Variants in TTC23L observed in about 807,000 individuals in gnomAD.
The protein encoded by TTC23L is tetratricopeptide repeat domain 23 like.
In TTC23L, 42 loss-of-function variants were observed where a neutral mutation model predicts 48.1. That is an observed-to-expected ratio of 0.87 (90% CI 0.68 to 1.13). The LOEUF (loss-of-function observed/expected upper bound fraction) is 1.13, where lower values mean the gene tolerates loss of function less well. Among genes scored for constraint, TTC23L ranks in the 50% most tolerant of loss-of-function variants. The pLI, the probability that TTC23L is intolerant of heterozygous loss-of-function variation, is 0.00. For synonymous variants in TTC23L, 159 were observed against 157.2 expected (o/e 1.01, Z -0.09); for missense variants, 391 against 421.0 (o/e 0.93, Z 0.62).
At chr5:34,847,223 A>G (rs558838176) in intron 3 of TTC23L, among the ~76,000 whole-genome samples, 266 of 152,312 alleles carry the variant, frequency 1.7e-3, no homozygotes, top group African/African-American at 6.0e-3. Context: ...GGACCTTGCA[A>G]AGGACAGTCA....
the TTC23L span, chr5:34,922,094 C>T: frequency 1.9e-6 from 1 of 520,728 alleles, no homozygotes; most frequent in South Asian, 3.3e-5. Flanking sequence ...ATGTTTAGGC[C>T]TTTGTAGCCT....
At chr5:34,912,418 A>C in the TTC23L span, among the ~76,000 whole-genome samples, 2 of 152,240 alleles carry the variant, frequency 1.3e-5, no homozygotes, top group African/African-American at 4.8e-5. Flanking sequence ...TCCTTACTGG[A>C]TTGAGAGCCA....
At chr5:34,869,265 TCAC>T in intron 8 of TTC23L, 1 of 406,008 alleles carries the variant, frequency 2.5e-6, no homozygotes. Context: ...TCAGTGAGAT[TCAC>T]CTTCTTAACT....
chr5:34,866,645 C>CT (rs34319208), intron 6 of TTC23L, among the ~76,000 whole-genome samples: 46,935 of 151,952 alleles, frequency 0.31, 9,135 homozygotes, highest in Non-Finnish European at 0.43. Context: ...TTTCCATTTG[C>CT]TTTTTAAAAA....
chr5:34,905,950 T>C, the TTC23L span: 1 of 150,574 alleles, frequency 6.6e-6, no homozygotes. Flanking sequence ...ACAATAATTT[T>C]TATTTTAATT....
intron 8 of TTC23L, among the ~76,000 whole-genome samples, chr5:34,878,986 A>T (rs1447605137): frequency 6.6e-6 from 1 of 152,234 alleles, no homozygotes; most frequent in Non-Finnish European, 1.5e-5. Flanking sequence ...AATGTGGTAC[A>T]TATACACAAT....
At position 34,855,919 on chromosome 5, in the gene TTC23L, G is replaced by A. The variant is rs1760093403; in HGVS notation, c.379+5611G>A. On this transcript the variant is annotated intron_variant, in intron 4 of 10. Coordinates refer to ENST00000505624, the Ensembl canonical transcript of TTC23L. ...ACAAAGGGAACAAGATTGGAAGTGA[G>A]ACCTCTCAGTGTTTACTTTTTCTTA... is the stretch of plus-strand genomic sequence containing the variant. Among the ~76,000 whole-genome samples, 3 of 152,182 alleles carry A rather than the reference G, an allele frequency of 2.0e-5. No individual in the cohort carries two copies. In the South Asian group the frequency reaches 6.2e-4, roughly 31 times the overall value.
At chr5:34,914,240 G>GC in the TTC23L span, among the ~76,000 whole-genome samples, 1 of 152,310 alleles carries the variant, frequency 6.6e-6, no homozygotes, top group South Asian at 2.1e-4. Flanking sequence ...CATATATTCT[G>GC]GAAACAAATA....
chr5:34,845,748 T>TCTGCATCGAAG, intron 3 of TTC23L, 75 bp downstream of exon 3: 1 of 1,398,890 alleles, frequency 7.1e-7, no homozygotes, highest in Non-Finnish European at 9.6e-7. Flanking sequence ...TTGCCTTCGA[T>TCTGCATCGAAG]GCAGATTGAA....
In TTC23L at chr5:34,863,077, G is replaced by A. The variant is rs753393310; in HGVS notation, c.536+23G>A. On this transcript the variant is annotated intron_variant, in intron 5 of 10. Transcript: ENST00000505624. The surrounding 1 kb of genome is among the most constrained non-coding windows in gnomAD (Gnocchi z 4.1). Reference sequence around the variant, plus strand: ...CCGATATCCTTCCATTCCTAGCTGCGTTTAGTGTTCGGGGCCACAGGCCAC... The same window carrying A: ...CCGATATCCTTCCATTCCTAGCTGCATTTAGTGTTCGGGGCCACAGGCCAC... 42 of 1,613,188 alleles carry A rather than the reference G, an allele frequency of 2.6e-5. No homozygotes were observed. In the African/African-American group the frequency reaches 3.6e-4, roughly 14 times the overall value.
the TTC23L span, chr5:34,909,024 A>C: frequency 1.1e-5 from 15 of 1,315,898 alleles, no homozygotes; most frequent in East Asian, 3.5e-4. Context: ...AAGGATAAAA[A>C]GTAGCAAATC....
chr5:34,864,091 A>G (rs1436174530), intron 5 of TTC23L, among the ~76,000 whole-genome samples: 3 of 152,186 alleles, frequency 2.0e-5, no homozygotes, highest in African/African-American at 4.8e-5. Flanking sequence ...CTCTTTTACC[A>G]TTCACAGGAA....
chr5:34,860,055 G>A (rs1760477206), intron 4 of TTC23L, among the ~76,000 whole-genome samples: 1 of 151,786 alleles, frequency 6.6e-6, no homozygotes, highest in Non-Finnish European at 1.5e-5. Context: ...CACTGTGTTA[G>A]CCAGGATGGT....
At chr5:34,913,522 A>C in the TTC23L span, 3 of 1,605,192 alleles carry the variant, frequency 1.9e-6, no homozygotes, top group Non-Finnish European at 2.6e-6. Flanking sequence ...GGACAGTTAA[A>C]TTAATTCGAA....
chr5:34,842,832 C>T (rs1022393424), intron 2 of TTC23L, among the ~76,000 whole-genome samples: 3 of 152,184 alleles, frequency 2.0e-5, no homozygotes. Context: ...ATCCCATGGG[C>T]CTTCGGCTCC....
the TTC23L span, among the ~76,000 whole-genome samples, chr5:34,912,162 A>G: frequency 1.3e-5 from 2 of 152,236 alleles, no homozygotes; most frequent in African/African-American, 4.8e-5. Context: ...GCTGCAGAAC[A>G]GGGTATGCTA....
At chr5:34,894,144 C>T (rs139856198) in intron 9 of TTC23L, among the ~76,000 whole-genome samples, 180 of 152,180 alleles carry the variant, frequency 1.2e-3, no homozygotes, top group African/African-American at 4.2e-3. Context: ...ACCTTTGACT[C>T]TGAAAGACCA....
chr5:34,911,838 G>A, the TTC23L span: 15 of 1,610,588 alleles, frequency 9.3e-6, no homozygotes, highest in Admixed American at 1.3e-4. Context: ...GTCATACTTG[G>A]CCTTAGCTTT....
intron 4 of TTC23L, among the ~76,000 whole-genome samples, chr5:34,851,476 G>C (rs1003106270): frequency 6.6e-6 from 1 of 152,140 alleles, no homozygotes; most frequent in Admixed American, 6.5e-5. Flanking sequence ...AAGATCACAG[G>C]TAGCTGAGAT....
Sources: allele counts gnomAD v4.1 joint callset (sites outside exome capture counted in the v4.1 genomes callset), GRCh38; gene constraint gnomAD v4.1.1; non-coding constraint Gnocchi (gnomAD v3.1); transcripts MANE v1.5; gene names NCBI Gene and HGNC (gene_info 2026-07-23, HGNC 2026-07-21).